Variants in PTPN11 observed in about 807,000 individuals in gnomAD.
The protein encoded by PTPN11 is tyrosine-protein phosphatase non-receptor type 11.
In PTPN11, 6 loss-of-function variants were observed where a neutral mutation model predicts 78.8. The ratio of observed to expected loss-of-function variants is 0.08; its 90% confidence interval spans 0.04 to 0.15. The LOEUF (loss-of-function observed/expected upper bound fraction) is 0.15. PTPN11 is among the 10% of genes least tolerant of loss of function. The probability of loss-of-function intolerance (pLI) is 1.00; values close to 1 mark genes in which losing one functional copy is unlikely to be tolerated. For missense variants in PTPN11, 386 were observed against 744.8 expected, an observed-to-expected ratio of 0.52 and a Z score of 5.61; for synonymous variants, 221 against 263.5, an observed-to-expected ratio of 0.84 and a Z score of 1.56.
intron 2 of PTPN11, among the ~76,000 whole-genome samples, chr12:112,448,277 C>T (rs1465346987): frequency 8.0e-5 from 12 of 150,160 alleles, no homozygotes; most frequent in African/African-American, 2.9e-4. Flanking sequence ...GTGGTGTGAT[C>T]TTGGCTCACC....
chr12:112,508,413 T>TA lies in PTPN11; in HGVS notation c.*2630dup, dbSNP rs1003921050. 4.0e-5 allele frequency: 6 copies of TA among 151,540 alleles called. No homozygotes were observed. The highest frequency in any genetic ancestry group is 1.3e-4 in the Admixed American group (2 of 15,180). The allele number at this position is 151,540 out of a possible 1,614,324, so 9.4% of individuals were successfully genotyped here. A position where few individuals can be genotyped will look rare whatever the true frequency, so the allele number is the denominator to read the frequency against. ...ATGGAGAAAGCTCGAGGTGAAGTTT[T>TA]AAAAAAAAAGTTGTGGAAAGGAAAG... is the stretch of plus-strand genomic sequence containing the variant. On this transcript the variant is annotated 3_prime_UTR_variant, in exon 16 of 16. Coordinates refer to ENST00000351677, the MANE Select transcript of PTPN11 (RefSeq NM_002834.5).
At chr12:112,469,366 T>C (rs2038378667) in intron 6 of PTPN11, among the ~76,000 whole-genome samples, 1 of 152,116 alleles carries the variant, frequency 6.6e-6, no homozygotes, top group African/African-American at 2.4e-5. Context: ...CTGTGTCTTT[T>C]TTTTTTTGCA....
intron 1 of PTPN11, among the ~76,000 whole-genome samples, chr12:112,442,671 C>T (rs1202633441): frequency 2.7e-5 from 4 of 149,658 alleles, no homozygotes; most frequent in African/African-American, 7.4e-5. Flanking sequence ...AGGCTGGTCT[C>T]GAACTCCTGA....
intron 1 of PTPN11, among the ~76,000 whole-genome samples, chr12:112,432,026 A>AAAATCT (rs2037721143): frequency 6.6e-6 from 1 of 152,194 alleles, no homozygotes; most frequent in African/African-American, 2.4e-5. Context: ...AGTAAGAAAA[A>AAAATCT]AAATCTAATA....
At chr12:112,481,251 C>T (rs2135905737) in intron 9 of PTPN11, among the ~76,000 whole-genome samples, 1 of 152,320 alleles carries the variant, frequency 6.6e-6, no homozygotes, top group African/African-American at 2.4e-5. Flanking sequence ...GCCTAGCCTC[C>T]TCCAGAATCT....
chr12:112,431,254 G>A (rs2135835044), intron 1 of PTPN11, among the ~76,000 whole-genome samples: 1 of 152,354 alleles, frequency 6.6e-6, no homozygotes, highest in Admixed American at 6.5e-5. Flanking sequence ...AGGGGCTGCA[G>A]ATACGGTGGT....
chr12:112,440,893 T>G (rs531010517), intron 1 of PTPN11, among the ~76,000 whole-genome samples: 4 of 151,220 alleles, frequency 2.6e-5, no homozygotes, highest in South Asian at 4.2e-4. Flanking sequence ...TCTGACAAGC[T>G]CTCAGAGAGA....
At chr12:112,484,747 C>T (rs950577919) in intron 10 of PTPN11, among the ~76,000 whole-genome samples, 2 of 151,980 alleles carry the variant, frequency 1.3e-5, no homozygotes, top group Admixed American at 6.6e-5. Flanking sequence ...AAGGGCTGGG[C>T]GTGGTGGCTC....
Position 112,447,560 on chromosome 12 carries a change from C to T in PTPN11, c.137+1162C>T, listed in dbSNP as rs185624523. 5.2e-4 allele frequency among the ~76,000 whole-genome samples: 79 copies of T among 151,700 alleles called. 1 individual carries two copies. The highest frequency in any genetic ancestry group is 4.7e-3 in the Admixed American group (71 of 15,196). ...TATTGCCCAGGCTGAAGTGCAATGG[C>T]GTGATCTCAGCTCACTGCAACCTCA... On this transcript the variant is annotated intron_variant, in intron 2 of 15. Transcript: ENST00000351677.
intron 6 of PTPN11, among the ~76,000 whole-genome samples, chr12:112,472,693 G>A (rs1408360436): frequency 6.6e-6 from 1 of 152,078 alleles, no homozygotes; most frequent in Non-Finnish European, 1.5e-5. Context: ...TAGAGCTGTG[G>A]TTTTACCATG....
intron 13 of PTPN11, among the ~76,000 whole-genome samples, chr12:112,493,061 A>T (rs1004200855): frequency 6.6e-6 from 1 of 151,188 alleles, no homozygotes; most frequent in African/African-American, 2.4e-5. Context: ...CATCTCAGTT[A>T]CTTTTTTTTT....
In PTPN11 at chr12:112,507,977, T is replaced by G. The variant is rs1360658467; in HGVS notation, c.*2185T>G. On this transcript the variant is annotated 3_prime_UTR_variant, in exon 16 of 16. Coordinates refer to ENST00000351677, the MANE Select transcript of PTPN11 (RefSeq NM_002834.5). ...CAGTATTTGCAGCAAGAAGCTTGAATGCTGTTCTTTTTATCGCATTGTTAC... is the reference window on the plus strand; with the variant it reads ...CAGTATTTGCAGCAAGAAGCTTGAAGGCTGTTCTTTTTATCGCATTGTTAC... The G allele has an allele frequency of 1.3e-5, 2 of 152,700 alleles. No homozygotes were observed. The highest frequency in any genetic ancestry group is 4.8e-5 in the African/African-American group (2 of 41,474). 9.5% of individuals were successfully genotyped at this position (152,700 alleles called of 1,614,324 possible). A position where few individuals can be genotyped will look rare whatever the true frequency, so the allele number is the denominator to read the frequency against.
chr12:112,496,970 G>A (rs1299311734), intron 13 of PTPN11, among the ~76,000 whole-genome samples: 1 of 151,964 alleles, frequency 6.6e-6, no homozygotes, highest in South Asian at 2.1e-4. Context: ...TCAGGAGTTC[G>A]AGACCAGCCT....
At chr12:112,474,330 T>C (rs895050024) in intron 7 of PTPN11, among the ~76,000 whole-genome samples, 26 of 152,118 alleles carry the variant, frequency 1.7e-4, no homozygotes, top group Admixed American at 6.6e-5. Flanking sequence ...ACCACTGCAC[T>C]CCAGGCTGGG....
intron 1 of PTPN11, among the ~76,000 whole-genome samples, chr12:112,431,381 C>T (rs2037709587): frequency 6.6e-6 from 1 of 152,098 alleles, no homozygotes; most frequent in South Asian, 2.1e-4. Flanking sequence ...GGGGACAGAG[C>T]GAGACCCTAT....
chr12:112,486,553 G>T lies in PTPN11; in HGVS notation c.1303G>T (p.Val435Leu), dbSNP rs1054802954. 1.9e-6 allele frequency: 3 copies of T among 1,614,072 alleles called. No homozygotes were observed. The highest frequency in any genetic ancestry group is 2.7e-5 in the African/African-American group (2 of 74,936). The change falls in exon 11 of 16, where the codon GTG (valine) becomes TTG (leucine). Residue 435 changes from valine (V) to leucine (L), a missense_variant. This residue lies in a region of PTPN11 where 63 missense variants were observed against 182.2 expected (regional missense o/e 0.35). Coordinates refer to ENST00000351677, the MANE Select transcript of PTPN11 (RefSeq NM_002834.5). ...CGGCGTGCCCAGCGACCCTGGGGGC[G>T]TGCTGGACTTCCTGGAGGAGGTGCA... ...DHGVPSDPGG[V>L]LDFLEEVHHK... is the part of the protein sequence containing the mutation.
chr12:112,461,835 A>C (rs534218307), intron 6 of PTPN11, among the ~76,000 whole-genome samples: 70 of 152,166 alleles, frequency 4.6e-4, no homozygotes, highest in African/African-American at 1.7e-3. Context: ...CTTCCAAATC[A>C]AACTCAGGGT....
chr12:112,485,004 T>G (rs1185194104), intron 10 of PTPN11, among the ~76,000 whole-genome samples: 1 of 152,216 alleles, frequency 6.6e-6, no homozygotes, highest in East Asian at 1.9e-4. Flanking sequence ...CTCATGCCTG[T>G]AATCCCTGCA....
At chr12:112,480,372 T>C (rs1440698228) in intron 9 of PTPN11, among the ~76,000 whole-genome samples, 1 of 151,606 alleles carries the variant, frequency 6.6e-6, no homozygotes, top group Non-Finnish European at 1.5e-5. Context: ...CGTTCTTTTT[T>C]TTTTTTTTTT....
Sources: allele counts gnomAD v4.1 joint callset (sites outside exome capture counted in the v4.1 genomes callset), GRCh38; gene constraint gnomAD v4.1.1; regional missense constraint gnomAD v4.1.1; transcripts MANE v1.5; gene names NCBI Gene and HGNC (gene_info 2026-07-23, HGNC 2026-07-21).